The following LRMDA variants were observed in gnomAD, a reference collection of about 807,000 sequenced individuals.
LRMDA encodes the protein leucine-rich melanocyte differentiation-associated protein.
In LRMDA, 18 loss-of-function variants were observed where a neutral mutation model predicts 29.8. The ratio of observed to expected loss-of-function variants is 0.60; its 90% CI spans 0.42 to 0.90. LRMDA has a LOEUF of 0.90. Ranked by LOEUF, LRMDA falls within the 40% of genes least tolerant of loss-of-function variation. The probability of loss-of-function intolerance (pLI) is 0.00; values close to 1 mark genes in which losing one functional copy is unlikely to be tolerated. For synonymous variants in LRMDA, 125 were observed against 109.4 expected, an observed-to-expected ratio of 1.14 and a Z score of -0.89; for missense variants, 273 against 273.9, an observed-to-expected ratio of 1.00 and a Z score of 0.02.
At chr10:76,118,242 C>CCTCTGTAAT (rs373911892) in intron 5 of LRMDA, among the ~76,000 whole-genome samples, 53 of 152,264 alleles carry the variant, frequency 3.5e-4, no homozygotes, top group African/African-American at 1.3e-3. Context: ...TGGCTGCCTT[C>CCTCTGTAAT]CTCTGTAATT....
At chr10:76,365,690 C>G (rs537386949) in intron 6 of LRMDA, among the ~76,000 whole-genome samples, 1 of 152,114 alleles carries the variant, frequency 6.6e-6, no homozygotes, top group Non-Finnish European at 1.5e-5. Flanking sequence ...TCCCGCTCTG[C>G]GGGTTGTCTG....
rs144224439 is a variant in LRMDA at position 76,072,981 on chromosome 10, A to T, written c.516+14198A>T. Among the ~76,000 whole-genome samples, 1,458 of 152,358 alleles carry T rather than the reference A, an allele frequency of 9.6e-3. 26 individuals are homozygous for T. Among genetic ancestry groups the T allele is most frequent in the African/African-American group, 0.031 (1,302 of 41,584 alleles). On this transcript the variant is annotated intron_variant, in intron 5 of 6. Transcript: ENST00000611255. ...TTCCAGCATCGCAGATGAAACAGCC[A>T]GTCTGGCAGTGGTCTGATTGTGTTT...
intron 5 of LRMDA, among the ~76,000 whole-genome samples, chr10:76,297,349 G>A (rs1479331389): frequency 6.6e-6 from 1 of 152,174 alleles, no homozygotes; most frequent in Non-Finnish European, 1.5e-5. Context: ...GGAGCTAAAT[G>A]GTTATCAGAT....
chr10:76,074,609 G>A (rs143373567), intron 5 of LRMDA, among the ~76,000 whole-genome samples: 2,075 of 152,308 alleles, frequency 0.014, 18 homozygotes, highest in Non-Finnish European at 0.021. Context: ...GAGACTGTAA[G>A]TCAGAGGAGG....
intron 2 of LRMDA, among the ~76,000 whole-genome samples, chr10:75,980,497 A>T (rs958598749): frequency 5.9e-5 from 9 of 152,292 alleles, no homozygotes; most frequent in Admixed American, 2.0e-4. Flanking sequence ...GGGCCTCGTG[A>T]ACTTGATAGA....
At chr10:76,043,664 C>T (rs1313114925) in intron 3 of LRMDA, among the ~76,000 whole-genome samples, 1 of 152,102 alleles carries the variant, frequency 6.6e-6, no homozygotes, top group Non-Finnish European at 1.5e-5. Context: ...TTTATTAGCT[C>T]CATGGTAGAT....
At chr10:75,699,221 A>C (rs998137395) in intron 2 of LRMDA, among the ~76,000 whole-genome samples, 1 of 152,006 alleles carries the variant, frequency 6.6e-6, no homozygotes, top group Non-Finnish European at 1.5e-5. Context: ...AAAAAAATCA[A>C]ACTTTCTGAA....
intron 2 of LRMDA, among the ~76,000 whole-genome samples, chr10:75,776,072 C>T (rs906092188): frequency 1.3e-5 from 2 of 152,138 alleles, no homozygotes; most frequent in African/African-American, 4.8e-5. Context: ...ATTAATTAAC[C>T]TTACCCCAAA....
At chr10:76,072,965 C>T (rs1295957380) in intron 5 of LRMDA, among the ~76,000 whole-genome samples, 1 of 152,204 alleles carries the variant, frequency 6.6e-6, no homozygotes, top group Non-Finnish European at 1.5e-5. Context: ...TTTCCAGCAT[C>T]GCAGATGAAA....
chr10:75,581,443 T>C (rs1018720229), intron 2 of LRMDA, among the ~76,000 whole-genome samples: 1 of 152,134 alleles, frequency 6.6e-6, no homozygotes, highest in African/African-American at 2.4e-5. Context: ...TGTCGAGAAA[T>C]AGGAACACTT....
At chr10:76,411,711 C>A (rs1490974052) in intron 6 of LRMDA, among the ~76,000 whole-genome samples, 2 of 152,220 alleles carry the variant, frequency 1.3e-5, no homozygotes, top group Non-Finnish European at 2.9e-5. Flanking sequence ...GAAGTGAATG[C>A]AACGGTGCCA....
chr10:75,874,764 T>C (rs1845168548), intron 2 of LRMDA, among the ~76,000 whole-genome samples: 1 of 152,190 alleles, frequency 6.6e-6, no homozygotes, highest in Non-Finnish European at 1.5e-5. Context: ...GTTTATAAAA[T>C]ATATACATCT....
intron 5 of LRMDA, among the ~76,000 whole-genome samples, chr10:76,228,730 C>A (rs1450885636): frequency 1.3e-5 from 2 of 152,116 alleles, no homozygotes; most frequent in Non-Finnish European, 2.9e-5. Context: ...GTGTTATTTG[C>A]AGGAGTAATT....
chr10:75,632,782 GTTTTTTT>G (rs386371855), intron 2 of LRMDA, among the ~76,000 whole-genome samples: 10 of 43,248 alleles, frequency 2.3e-4, no homozygotes, highest in African/African-American at 2.5e-4. Context: ...GTTTAGTTTA[GTTTTTTT>G]TTTTTTTTTT....
intron 2 of LRMDA, among the ~76,000 whole-genome samples, chr10:75,470,577 A>G (rs1328024118): frequency 6.6e-6 from 1 of 152,208 alleles, no homozygotes; most frequent in South Asian, 2.1e-4. Flanking sequence ...GGTCTAGGGT[A>G]TCCTTCTGAG....
At chr10:75,949,853 A>G (rs1185306465) in intron 2 of LRMDA, among the ~76,000 whole-genome samples, 1 of 152,090 alleles carries the variant, frequency 6.6e-6, no homozygotes, top group Admixed American at 6.5e-5. Context: ...CCCAAGGAAA[A>G]TTTCCATTTT....
intron 5 of LRMDA, among the ~76,000 whole-genome samples, chr10:76,275,834 A>T (rs1840124492): frequency 6.6e-6 from 1 of 152,088 alleles, no homozygotes; most frequent in South Asian, 2.1e-4. Context: ...CTTTATATTA[A>T]CACCATATAC....
intron 2 of LRMDA, among the ~76,000 whole-genome samples, chr10:75,531,341 G>A (rs917528385): frequency 6.6e-6 from 1 of 152,204 alleles, no homozygotes. Context: ...AAAAAAGAGG[G>A]AAGGACAGCT....
chr10:75,546,975 G>A (rs1275018894), intron 2 of LRMDA, among the ~76,000 whole-genome samples: 1 of 152,176 alleles, frequency 6.6e-6, no homozygotes, highest in East Asian at 1.9e-4. Flanking sequence ...AAGTGGTGGA[G>A]CTAGGATTGG....
Sources: allele counts gnomAD v4.1 joint callset (sites outside exome capture counted in the v4.1 genomes callset), GRCh38; gene constraint gnomAD v4.1.1; transcripts MANE v1.5; gene names NCBI Gene and HGNC (gene_info 2026-07-23, HGNC 2026-07-21).